Variants in DNAH3 observed in about 807,000 individuals in gnomAD.
The protein encoded by DNAH3 is dynein axonemal heavy chain 3, also known as axonemal beta dynein heavy chain 3.
In DNAH3, 332 loss-of-function variants were observed where a neutral mutation model predicts 432.5. The observed-to-expected ratio is 0.77, with a 90% CI of 0.70 to 0.84. DNAH3 has a LOEUF of 0.84. Ranked by LOEUF, DNAH3 falls within the 40% of genes least tolerant of loss-of-function variation. DNAH3 has a pLI of 0.00. For missense variants in DNAH3, 4,861 were observed against 5,114.0 expected, an observed-to-expected ratio of 0.95 and a Z score of 1.51; for synonymous variants, 1,956 against 1,900.2, an observed-to-expected ratio of 1.03 and a Z score of -0.76.
At chr16:21,011,034 T>C (rs1435839836) in intron 41 of DNAH3, among the ~76,000 whole-genome samples, 1 of 151,746 alleles carries the variant, frequency 6.6e-6, no homozygotes, top group Non-Finnish European at 1.5e-5. Context: ...GGGTAGGGCA[T>C]GGAGGGAGGA....
At chr16:21,079,851 T>C (rs1428144599) in intron 20 of DNAH3, among the ~76,000 whole-genome samples, 2 of 152,132 alleles carry the variant, frequency 1.3e-5, no homozygotes, top group Non-Finnish European at 2.9e-5. Context: ...AGTGGTGGTA[T>C]TGGAGAGGCA....
intron 5 of DNAH3, among the ~76,000 whole-genome samples, chr16:21,139,207 A>C (rs2092685139): frequency 6.6e-6 from 1 of 151,826 alleles, no homozygotes; most frequent in South Asian, 2.1e-4. Context: ...GGTGGGAACT[A>C]TGACAAACTG....
At chr16:21,036,429 T>C (rs2089172597) in intron 35 of DNAH3, among the ~76,000 whole-genome samples, 1 of 152,182 alleles carries the variant, frequency 6.6e-6, no homozygotes, top group Admixed American at 6.5e-5. Context: ...CTTCTTTTTT[T>C]TAAGAGTCAG....
chr16:21,147,804 A>G lies in DNAH3; in HGVS notation c.118-1716T>C, dbSNP rs575360335. On this transcript the variant is annotated intron_variant, in intron 1 of 61. Transcript: ENST00000261383. Reference sequence around the variant, plus strand: ...GAGAAGAAAGTGACTACATTATTGAATGAAATCACATGTGTTTTTGTCTTA... The same window carrying G: ...GAGAAGAAAGTGACTACATTATTGAGTGAAATCACATGTGTTTTTGTCTTA... 2.0e-5 allele frequency among the ~76,000 whole-genome samples: 3 copies of G among 152,304 alleles called. No individual in the cohort carries two copies. In the East Asian group the frequency reaches 5.8e-4, roughly 29 times the overall value.
chr16:20,964,854 G>A lies in DNAH3; in HGVS notation c.9030C>T (p.Gly3010=), dbSNP rs754879095. 27 of 1,613,904 alleles carry A rather than the reference G, an allele frequency of 1.7e-5. No individual in the cohort carries two copies. Among genetic ancestry groups the A allele is most frequent in the East Asian group, 6.7e-5 (3 of 44,880 alleles). The change falls in exon 53 of 62, where the codon GGC becomes GGT. Residue 3010 remains glycine (G), a synonymous_variant. Transcript: ENST00000261383. ...GGACCCGATAATCCACTGTAAAAGCGCCCAGGTAAGCCACAGTTCCTGAGG... is the reference window on the plus strand; with the variant it reads ...GGACCCGATAATCCACTGTAAAAGCACCCAGGTAAGCCACAGTTCCTGAGG...
At chr16:20,985,594 T>C in exon 48 of DNAH3, 1 of 1,614,246 alleles carries the variant, frequency 6.2e-7, no homozygotes, top group South Asian at 1.1e-5. Flanking sequence ...AGTCAGCTGT[T>C]TCAGGTCAGT....
At chr16:21,066,316 T>C (rs1247265178) in intron 24 of DNAH3, among the ~76,000 whole-genome samples, 1 of 152,086 alleles carries the variant, frequency 6.6e-6, no homozygotes, top group Non-Finnish European at 1.5e-5. Flanking sequence ...TAGTCATGGA[T>C]AGATTATCAG....
intron 19 of DNAH3, among the ~76,000 whole-genome samples, chr16:21,081,989 T>G (rs2091205266): frequency 1.3e-5 from 2 of 152,114 alleles, no homozygotes; most frequent in Admixed American, 1.3e-4. Flanking sequence ...TGCTTTGACC[T>G]CCCAGGCCCA....
At chr16:21,128,162 T>C (rs1032889288) in intron 7 of DNAH3, among the ~76,000 whole-genome samples, 4 of 152,064 alleles carry the variant, frequency 2.6e-5, no homozygotes, top group Non-Finnish European at 5.9e-5. Flanking sequence ...CAATGTTCTT[T>C]ACAACAGTGA....
At chr16:21,027,114 C>G in exon 38 of DNAH3, 1 of 1,613,532 alleles carries the variant, frequency 6.2e-7, no homozygotes, top group Non-Finnish European at 8.5e-7. Context: ...AATTTCCCCA[C>G]TCATGAGACA....
intron 3 of DNAH3, among the ~76,000 whole-genome samples, chr16:21,142,242 C>T (rs2092728913): frequency 6.6e-6 from 1 of 151,936 alleles, no homozygotes; most frequent in African/African-American, 2.4e-5. Flanking sequence ...TGGCACACGC[C>T]TGTAATCCCA....
intron 47 of DNAH3, among the ~76,000 whole-genome samples, chr16:20,986,250 G>C (rs2086191682): frequency 6.6e-6 from 1 of 151,676 alleles, no homozygotes; most frequent in Non-Finnish European, 1.5e-5. Flanking sequence ...CATGCCTGTA[G>C]TCCCAGCACT....
intron 20 of DNAH3, among the ~76,000 whole-genome samples, chr16:21,079,346 G>A (rs527864387): frequency 4.2e-4 from 64 of 152,290 alleles, no homozygotes; most frequent in African/African-American, 1.4e-3. Context: ...TGTTAAGGTC[G>A]GGCATGGTGG....
chr16:20,996,232 C>CAT (rs1043565343), intron 44 of DNAH3, among the ~76,000 whole-genome samples: 1 of 152,104 alleles, frequency 6.6e-6, no homozygotes, highest in Admixed American at 6.6e-5. Flanking sequence ...TAATATAATA[C>CAT]ATATATATGT....
At chr16:20,997,335 C>T in exon 44 of DNAH3, 1 of 1,614,178 alleles carries the variant, frequency 6.2e-7, no homozygotes. Flanking sequence ...TCACGAGCAG[C>T]ATGTCCACGA....
At chr16:20,944,793 ACAC>A in intron 57 of DNAH3, 130 bp from the exon 58 acceptor site, 1 of 834,676 alleles carries the variant, frequency 1.2e-6, no homozygotes, top group Non-Finnish European at 1.9e-6. Context: ...ACACACACAC[ACAC>A]ACACACGCTG....
exon 53 of DNAH3, chr16:20,964,491 T>C: frequency 1.2e-6 from 2 of 1,614,210 alleles, no homozygotes; most frequent in South Asian, 2.2e-5. Flanking sequence ...CCAGCTCTTC[T>C]CCAATGTTTT....
At chr16:21,151,388 T>C (rs976015651) in intron 1 of DNAH3, among the ~76,000 whole-genome samples, 1 of 149,906 alleles carries the variant, frequency 6.7e-6, no homozygotes, top group African/African-American at 2.5e-5. Context: ...TGGCGTGATC[T>C]CAGCTCACTG....
intron 1 of DNAH3, among the ~76,000 whole-genome samples, chr16:21,152,931 C>A (rs982228881): frequency 6.6e-6 from 1 of 152,226 alleles, no homozygotes; most frequent in Non-Finnish European, 1.5e-5. Context: ...AGCGCCACCC[C>A]CTGCTCCACG....
Sources: gnomAD v4.1 joint callset for allele counts (sites outside exome capture counted in the v4.1 genomes callset) on GRCh38, gnomAD v4.1.1 for gene constraint, MANE v1.5 for transcripts, NCBI Gene and HGNC (gene_info 2026-07-23, HGNC 2026-07-21) for gene names.